The following ANKRD33B variants were observed in gnomAD, a reference collection of about 807,000 sequenced individuals.
ANKRD33B encodes the protein ankyrin repeat domain-containing protein 33B.
ANKRD33B carries 6 observed loss-of-function variants against 21.5 expected under a neutral mutation model. The ratio of observed to expected loss-of-function variants is 0.28; its 90% CI spans 0.15 to 0.55. The LOEUF (loss-of-function observed/expected upper bound fraction) is 0.55, where lower values mean the gene tolerates loss of function less well. Ranked by LOEUF, ANKRD33B falls within the 20% of genes least tolerant of loss-of-function variation. The probability of loss-of-function intolerance (pLI) is 0.94; values close to 1 mark genes in which losing one functional copy is unlikely to be tolerated. For synonymous variants in ANKRD33B, 347 were observed against 342.4 expected (o/e 1.01, Z -0.15); for missense variants, 698 against 747.2 (o/e 0.93, Z 0.77).
At chr5:10,609,986 A>G (rs1176391354) in intron 1 of ANKRD33B, among the ~76,000 whole-genome samples, 1 of 152,246 alleles carries the variant, frequency 6.6e-6, no homozygotes, top group Admixed American at 6.5e-5. Flanking sequence ...GAAATGGACA[A>G]AAGACATAAT....
intron 2 of ANKRD33B, among the ~76,000 whole-genome samples, chr5:10,625,540 G>A (rs1736525719): frequency 6.6e-6 from 1 of 152,188 alleles, no homozygotes; most frequent in South Asian, 2.1e-4. Flanking sequence ...CCAGGCGCTC[G>A]TAGCCCTGCC....
chr5:10,570,791 T>C (rs192247511), intron 1 of ANKRD33B, among the ~76,000 whole-genome samples: 217 of 152,092 alleles, frequency 1.4e-3, no homozygotes, highest in African/African-American at 4.7e-3. Context: ...ACTCCTGGCA[T>C]CAAGCAGTCC....
chr5:10,584,952 T>C (rs1174074229), intron 1 of ANKRD33B, among the ~76,000 whole-genome samples: 1 of 151,990 alleles, frequency 6.6e-6, no homozygotes, highest in Admixed American at 6.6e-5. Context: ...TGTTTGGAGG[T>C]CTAGGAAAGA....
In ANKRD33B at chr5:10,572,229, T is replaced by C. The variant is rs1459038253; in HGVS notation, c.366+7396T>C. On this transcript the variant is annotated intron_variant, in intron 1 of 3. Transcript: ENST00000296657. ...TCTAAAACTCCCAGAGTCATTTCAATGTGCAGCCAACACTGACAATCACTG... is the reference window on the plus strand; with the variant it reads ...TCTAAAACTCCCAGAGTCATTTCAACGTGCAGCCAACACTGACAATCACTG... Among the ~76,000 whole-genome samples, 6 of 152,142 alleles carry C rather than the reference T, an allele frequency of 3.9e-5. No individual in the cohort carries two copies. In the South Asian group the frequency reaches 8.3e-4, roughly 21 times the overall value.
intron 3 of ANKRD33B, among the ~76,000 whole-genome samples, chr5:10,648,540 A>C (rs1391062410): frequency 5.4e-5 from 8 of 148,946 alleles, no homozygotes; most frequent in Non-Finnish European, 1.2e-4. Context: ...CGGGTGGATC[A>C]CCTGAGGTTG....
chr5:10,587,542 G>A (rs1290482052), intron 1 of ANKRD33B, among the ~76,000 whole-genome samples: 1 of 146,952 alleles, frequency 6.8e-6, no homozygotes, highest in Non-Finnish European at 1.5e-5. Flanking sequence ...TTATTCTTCT[G>A]ATACAATTTT....
Position 10,652,925 on chromosome 5 carries a change from C to T in ANKRD33B, c.*2812C>T, listed in dbSNP as rs960026756. ...CGGATTTCTTTGGCAAATCTGCAGGCGAGCTGACCACTTGCCTGGTGAGTG... is the reference window on the plus strand; with the variant it reads ...CGGATTTCTTTGGCAAATCTGCAGGTGAGCTGACCACTTGCCTGGTGAGTG... On this transcript the variant is annotated 3_prime_UTR_variant, in exon 4 of 4. Transcript: ENST00000296657. The surrounding 1 kb of genome is among the most constrained non-coding windows in gnomAD (Gnocchi z 4.1). 1.4e-4 allele frequency: 27 copies of T among 195,296 alleles called. No individual in the cohort carries two copies. Among genetic ancestry groups the T allele is most frequent in the Non-Finnish European group, 2.0e-4 (18 of 88,416 alleles). The allele number at this position is 195,296 out of a possible 1,614,324, so 12.1% of individuals were successfully genotyped here.
chr5:10,642,072 TGTC>T (rs1737074726), intron 3 of ANKRD33B, among the ~76,000 whole-genome samples: 1 of 152,242 alleles, frequency 6.6e-6, no homozygotes, highest in South Asian at 2.1e-4. Context: ...ACATTTATGA[TGTC>T]AGTCACATCA....
rs113789913 is a variant in ANKRD33B, at chr5:10,597,236, C to T, written c.367-21097C>T. On this transcript the variant is annotated intron_variant, in intron 1 of 3. Transcript: ENST00000296657. ...TTGGCTGAATGTCCCAATTAAAAGA[C>T]ACAGAATAGCAAGCTGGGTAAAGAG... Among the ~76,000 whole-genome samples the T allele has an allele frequency of 6.6e-3, 1,006 of 152,268 alleles. 9 individuals carry two copies. Among genetic ancestry groups the T allele is most frequent in the African/African-American group, 0.023 (950 of 41,544 alleles).
intron 1 of ANKRD33B, among the ~76,000 whole-genome samples, chr5:10,604,260 C>T (rs1228031386): frequency 7.1e-6 from 1 of 141,176 alleles, no homozygotes; most frequent in Non-Finnish European, 1.5e-5. Context: ...GGCGTGATCT[C>T]GGCTCACTGC....
chr5:10,639,589 G>A (rs1183363386), intron 3 of ANKRD33B, among the ~76,000 whole-genome samples: 7 of 42,700 alleles, frequency 1.6e-4, no homozygotes, highest in East Asian at 6.0e-4. Flanking sequence ...GTTGCGCGGC[G>A]ATGTTAGCGG....
Position 10,653,025 on chromosome 5 carries a change from C to T in ANKRD33B, c.*2912C>T, listed in dbSNP as rs970716962. The T allele has an allele frequency of 9.4e-5, 17 of 180,790 alleles. No homozygotes were observed. The highest frequency in any genetic ancestry group is 3.1e-4 in the African/African-American group (13 of 42,316). 11.2% of individuals were successfully genotyped at this position (180,790 alleles called of 1,614,324 possible). On this transcript the variant is annotated 3_prime_UTR_variant, in exon 4 of 4. Transcript: ENST00000296657. ...CTGCATGGGGGGAAGCCTGACCTCC[C>T]GGGGAGCTTTATTGTGGCCTCAGTG...
intron 1 of ANKRD33B, among the ~76,000 whole-genome samples, chr5:10,615,293 A>G (rs1736260449): frequency 6.6e-6 from 1 of 152,242 alleles, no homozygotes; most frequent in Admixed American, 6.5e-5. Flanking sequence ...AAAGCTTTCA[A>G]AATACCTATT....
Position 10,649,907 on chromosome 5 carries a change from C to T in ANKRD33B, c.1279C>T (p.Arg427Ter). 6.6e-7 allele frequency: 1 copy of T among 1,517,846 alleles called. No homozygotes were observed. The highest frequency in any genetic ancestry group is 8.8e-7 in the Non-Finnish European group (1 of 1,138,588). 94.0% of individuals were successfully genotyped at this position (1,517,846 alleles called of 1,614,324 possible). A position where few individuals can be genotyped will look rare whatever the true frequency, so the allele number is the denominator to read the frequency against. ...GCCCGGTGTGGTGGTGCCCCGGGTCCGAGTCAGCAAGGCGCCCGCGCCCAC... is the reference window on the plus strand; with the variant it reads ...GCCCGGTGTGGTGGTGCCCCGGGTCTGAGTCAGCAAGGCGCCCGCGCCCAC... ...VRPGVVVPRV[R>*]VSKAPAPTFQ... Residue 427 changes from arginine (R) to a stop codon, truncating the protein, a stop_gained, in exon 4 of 4, where the codon CGA (arginine) becomes TGA (stop). Coordinates refer to ENST00000296657, the MANE Select transcript of ANKRD33B (RefSeq NM_001164440.2). LOFTEE classifies it high-confidence loss of function.
chr5:10,649,713 T>G lies in ANKRD33B; in HGVS notation c.1085T>G (p.Val362Gly), dbSNP rs2126611425. 6.6e-7 allele frequency: 1 copy of G among 1,510,098 alleles called. No individual in the cohort carries two copies. The highest frequency in any genetic ancestry group is 8.8e-7 in the Non-Finnish European group (1 of 1,133,192). The allele number at this position is 1,510,098 out of a possible 1,614,324, so 93.5% of individuals were successfully genotyped here. A position where few individuals can be genotyped will look rare whatever the true frequency, so the allele number is the denominator to read the frequency against. ...CCCCAGGCGCAGGAGGAGGATGAGG[T>G]GGGGGGCGCGGGGCAGCGCGGGCGG... is the stretch of plus-strand genomic sequence containing the variant. ...RGPQAQEEDE[V>G]GGAGQRGRTG... The change falls in exon 4 of 4, where the codon GTG becomes GGG. Residue 362 changes from valine to glycine, a missense_variant. Physicochemically the swap from Val to Gly is moderately radical, Grantham distance 109. Coordinates refer to ENST00000296657, the MANE Select transcript of ANKRD33B (RefSeq NM_001164440.2).
At chr5:10,606,536 C>T (rs1237797369) in intron 1 of ANKRD33B, among the ~76,000 whole-genome samples, 2 of 152,060 alleles carry the variant, frequency 1.3e-5, no homozygotes, top group Non-Finnish European at 2.9e-5. Context: ...GAGATCGAGA[C>T]CATCCTGGCC....
intron 1 of ANKRD33B, 82 bp downstream of exon 1, chr5:10,564,915 C>G (rs1103749): frequency 0.99 from 1,418,372 of 1,427,974 alleles, 704,644 homozygotes; most frequent in East Asian, 1. Flanking sequence ...CGCCTCCCAG[C>G]TCCTGGCTCC....
At chr5:10,566,642 C>T (rs1735070245) in intron 1 of ANKRD33B, among the ~76,000 whole-genome samples, 1 of 152,210 alleles carries the variant, frequency 6.6e-6, no homozygotes, top group South Asian at 2.1e-4. Flanking sequence ...TGTTTGAAAA[C>T]AGCTGCATTG....
intron 1 of ANKRD33B, among the ~76,000 whole-genome samples, chr5:10,589,272 T>G (rs1248664891): frequency 2.6e-5 from 4 of 151,316 alleles, no homozygotes; most frequent in Non-Finnish European, 5.9e-5. Context: ...GGATGGCTCC[T>G]CCCCTCTTCT....
Sources: gnomAD v4.1 joint callset for allele counts (sites outside exome capture counted in the v4.1 genomes callset) on GRCh38, gnomAD v4.1.1 for gene constraint, Gnocchi (gnomAD v3.1) non-coding constraint, MANE v1.5 for transcripts, NCBI Gene and HGNC (gene_info 2026-07-23, HGNC 2026-07-21) for gene names.